CDC42BPA: variants seen among roughly 807,000 people sequenced by gnomAD.
The protein encoded by CDC42BPA is serine/threonine-protein kinase MRCK alpha.
A neutral mutation model predicts 223.5 loss-of-function variants in CDC42BPA; 80 were observed. The observed-to-expected ratio is 0.36, with a 90% CI of 0.30 to 0.43. CDC42BPA has a LOEUF of 0.43. Among genes scored for constraint, CDC42BPA ranks in the 20% least tolerant of loss-of-function variants. The pLI, the probability that CDC42BPA is intolerant of heterozygous loss-of-function variation, is 1.00. For missense variants in CDC42BPA, 1,743 were observed against 2,099.9 expected (o/e 0.83, Z 3.32); for synonymous variants, 694 against 718.6 (o/e 0.97, Z 0.55).
At chr1:227,177,271 G>T (rs979311485) in intron 5 of CDC42BPA, among the ~76,000 whole-genome samples, 1 of 151,818 alleles carries the variant, frequency 6.6e-6, no homozygotes, top group Non-Finnish European at 1.5e-5. Flanking sequence ...AGCATTTCTT[G>T]TAAGGAAGGC....
chr1:227,132,634 C>T (rs954028306), intron 10 of CDC42BPA, among the ~76,000 whole-genome samples: 24 of 150,238 alleles, frequency 1.6e-4, no homozygotes, highest in Non-Finnish European at 2.5e-4. Context: ...GCTGCCCAGT[C>T]TGGAAAGTGA....
At chr1:227,138,971 G>A (rs530012897) in intron 10 of CDC42BPA, among the ~76,000 whole-genome samples, 1 of 152,234 alleles carries the variant, frequency 6.6e-6, no homozygotes, top group East Asian at 1.9e-4. Flanking sequence ...AGGGGTCAGA[G>A]AGAGAGCACT....
At chr1:227,288,504 G>A (rs1689160357) in intron 1 of CDC42BPA, among the ~76,000 whole-genome samples, 1 of 152,184 alleles carries the variant, frequency 6.6e-6, no homozygotes, top group Non-Finnish European at 1.5e-5. Flanking sequence ...TTCAAGACCA[G>A]CCTAGCCAAC....
chr1:227,166,381 G>A (rs1198223160), intron 5 of CDC42BPA, among the ~76,000 whole-genome samples: 1 of 152,156 alleles, frequency 6.6e-6, no homozygotes. Context: ...ATGCTGGTAT[G>A]AGGCAGAATT....
chr1:227,028,201 A>G (rs1328600615), intron 30 of CDC42BPA, among the ~76,000 whole-genome samples: 3 of 152,144 alleles, frequency 2.0e-5, no homozygotes, highest in Non-Finnish European at 4.4e-5. Flanking sequence ...ATAAATATCT[A>G]CCCATCTAGA....
intron 1 of CDC42BPA, among the ~76,000 whole-genome samples, chr1:227,301,665 G>C (rs1172630066): frequency 1.3e-5 from 2 of 152,058 alleles, no homozygotes; most frequent in Non-Finnish European, 2.9e-5. Flanking sequence ...GCCGGATTTA[G>C]ACTTTTTAAT....
intron 1 of CDC42BPA, among the ~76,000 whole-genome samples, chr1:227,304,493 A>C (rs1169342120): frequency 6.6e-6 from 1 of 152,180 alleles, no homozygotes; most frequent in African/African-American, 2.4e-5. Context: ...TTTAAAAGGA[A>C]AAAATTACTT....
At chr1:227,217,151 C>T (rs1675002207) in intron 2 of CDC42BPA, among the ~76,000 whole-genome samples, 1 of 152,084 alleles carries the variant, frequency 6.6e-6, no homozygotes, top group Admixed American at 6.6e-5. Flanking sequence ...CTCCTCTGTT[C>T]CAACCCATTC....
At chr1:227,077,961 G>A (rs1201760561) in intron 17 of CDC42BPA, among the ~76,000 whole-genome samples, 1 of 152,028 alleles carries the variant, frequency 6.6e-6, no homozygotes, top group African/African-American at 2.4e-5. Flanking sequence ...ACTTCATTCT[G>A]AACATTACTG....
intron 2 of CDC42BPA, among the ~76,000 whole-genome samples, chr1:227,217,027 G>GT (rs1202012325): frequency 1.3e-5 from 2 of 152,144 alleles, no homozygotes; most frequent in Non-Finnish European, 2.9e-5. Context: ...ACAGAATGCT[G>GT]TAACAGTATT....
intron 14 of CDC42BPA, among the ~76,000 whole-genome samples, chr1:227,111,259 A>G (rs1170975679): frequency 2.0e-5 from 3 of 152,150 alleles, no homozygotes; most frequent in Non-Finnish European, 4.4e-5. Flanking sequence ...AGGATGGAAA[A>G]AGTTTCCAGT....
intron 7 of CDC42BPA, 90 bp downstream of exon 7, chr1:227,147,269 T>A: frequency 1.1e-6 from 1 of 869,730 alleles, no homozygotes; most frequent in East Asian, 2.7e-5. Flanking sequence ...GATTGTTCAC[T>A]GTTTTTAGAA....
intron 33 of CDC42BPA, among the ~76,000 whole-genome samples, chr1:227,016,622 C>T (rs1666318424): frequency 6.6e-6 from 1 of 152,102 alleles, no homozygotes. Flanking sequence ...ACTGTATGCA[C>T]AGCTATGTCC....
chr1:227,205,260 CTCTG>C (rs1558757220), intron 3 of CDC42BPA, among the ~76,000 whole-genome samples: 1 of 11,154 alleles, frequency 9.0e-5, no homozygotes, highest in African/African-American at 3.2e-4. Context: ...CAGAGTGAGA[CTCTG>C]TCTCAAAAAA....
At chr1:227,130,586 G>A (rs1656879446) in intron 10 of CDC42BPA, among the ~76,000 whole-genome samples, 1 of 146,862 alleles carries the variant, frequency 6.8e-6, no homozygotes, top group Admixed American at 6.7e-5. Context: ...TAGGTGCGGT[G>A]GCTCATGCCT....
intron 6 of CDC42BPA, among the ~76,000 whole-genome samples, chr1:227,148,928 T>C (rs372820224): frequency 2.6e-5 from 4 of 151,758 alleles, no homozygotes; most frequent in South Asian, 2.1e-4. Context: ...ATGAGTAGGG[T>C]TGGGGAATTG....
At position 227,052,036 on chromosome 1, in the gene CDC42BPA, A is replaced by G. The variant is rs987450889; in HGVS notation, c.2905-51T>C. On this transcript the variant is annotated intron_variant, in intron 21 of 36. Coordinates refer to ENST00000366766, the MANE Select transcript of CDC42BPA (RefSeq NM_001394014.1). ...AAAACCCAAAAAATCACTTTTCAAC[A>G]ATGTGCAGGCTTAGCAAATTTCTGT... 4.4e-6 allele frequency: 5 copies of G among 1,144,070 alleles called. No individual in the cohort carries two copies. In the Admixed American group the frequency reaches 5.8e-5, roughly 13 times the overall value. The allele number at this position is 1,144,070 out of a possible 1,614,324, so 70.9% of individuals were successfully genotyped here.
intron 2 of CDC42BPA, among the ~76,000 whole-genome samples, chr1:227,224,293 G>GT (rs1437264888): frequency 6.6e-6 from 1 of 151,228 alleles, no homozygotes; most frequent in Non-Finnish European, 1.5e-5. Context: ...GAGTGCAATG[G>GT]TGCAGTCTCA....
chr1:227,176,289 G>A (rs886266478), intron 5 of CDC42BPA, among the ~76,000 whole-genome samples: 2 of 151,874 alleles, frequency 1.3e-5, no homozygotes, highest in African/African-American at 2.4e-5. Flanking sequence ...ACGACATTAG[G>A]GTTTTTAATG....
Sources: gnomAD v4.1 joint callset for allele counts (sites outside exome capture counted in the v4.1 genomes callset) on GRCh38, gnomAD v4.1.1 for gene constraint, MANE v1.5 for transcripts, NCBI Gene and HGNC (gene_info 2026-07-23, HGNC 2026-07-21) for gene names.